TUBB6: variants seen among roughly 807,000 people sequenced by gnomAD.
TUBB6 encodes tubulin beta-6 chain.
In TUBB6, 18 loss-of-function variants were observed where a neutral mutation model predicts 32.3. The observed-to-expected ratio is 0.56, with a 90% CI of 0.39 to 0.83. The LOEUF (loss-of-function observed/expected upper bound fraction) is 0.83, where lower values mean the gene tolerates loss of function less well. TUBB6 is among the 40% of genes least tolerant of loss of function. TUBB6 has a pLI of 0.00. For missense variants in TUBB6, 480 were observed against 632.0 expected, an observed-to-expected ratio of 0.76 and a Z score of 2.58; for synonymous variants, 280 against 265.8, an observed-to-expected ratio of 1.05 and a Z score of -0.52.
chr18:12,308,817 C>T lies in TUBB6; in HGVS notation c.166+22C>T, dbSNP rs1335120878. 3 of 1,501,466 alleles carry T rather than the reference C, an allele frequency of 2.0e-6. No individual in the cohort carries two copies. The South Asian group carries it at 3.4e-5, about 17-fold the overall frequency. The allele number at this position is 1,501,466 out of a possible 1,614,324, so 93.0% of individuals were successfully genotyped here. A position where few individuals can be genotyped will look rare whatever the true frequency, so the allele number is the denominator to read the frequency against. ...TCGTGTGAGTAGCAAGGCCGCCGCG[C>T]CCTGCCCGGCCGGGACCCGCGTGGA... On this transcript the variant is annotated intron_variant, in intron 2 of 3. Transcript: ENST00000317702.
intron 3 of TUBB6, among the ~76,000 whole-genome samples, chr18:12,321,102 C>A (rs566211239): frequency 1.1e-4 from 16 of 152,168 alleles, no homozygotes; most frequent in Non-Finnish European, 1.8e-4. Context: ...AATTTCCTTT[C>A]CTGTGAGCTG....
At position 12,308,259 on chromosome 18, in the gene TUBB6, C is replaced by CT; in HGVS notation, c.-34_-33insT. The CT allele has an allele frequency of 7.1e-7, 1 of 1,400,802 alleles. No homozygotes were observed. The allele number at this position is 1,400,802 out of a possible 1,614,324, so 86.8% of individuals were successfully genotyped here. On this transcript the variant is annotated 5_prime_UTR_variant, in exon 1 of 4. Transcript: ENST00000317702. Reference sequence around the variant, plus strand: ...GGCCCGCAGTTGCCGCTGTCGTCCGCAGAGCCAGTTCCTAGCGCAGAGCCG... The same window carrying CT: ...GGCCCGCAGTTGCCGCTGTCGTCCGCTAGAGCCAGTTCCTAGCGCAGAGCCG...
At chr18:12,308,576 G>T (rs1264768331) in intron 1 of TUBB6, 111 bp from the exon 2 acceptor site, 2 of 854,020 alleles carry the variant, frequency 2.3e-6, no homozygotes, top group African/African-American at 1.7e-5. Context: ...GGCTGCCGGC[G>T]GCTCAGGCGC....
At chr18:12,316,200 G>T (rs1479920798) in intron 3 of TUBB6, among the ~76,000 whole-genome samples, 3 of 152,238 alleles carry the variant, frequency 2.0e-5, no homozygotes, top group African/African-American at 7.2e-5. Flanking sequence ...TGACATGAGT[G>T]CATCACAAAC....
At chr18:12,324,837 G>A (rs1484068577) in intron 3 of TUBB6, 3 of 1,347,286 alleles carry the variant, frequency 2.2e-6, no homozygotes, top group East Asian at 2.6e-5. Context: ...GAACAACCAG[G>A]TCAAAATGTA....
At chr18:12,308,508 G>T in intron 1 of TUBB6, 159 bp downstream of exon 1, 3 of 695,086 alleles carry the variant, frequency 4.3e-6, no homozygotes, top group Non-Finnish European at 6.6e-6. Context: ...AGCGCCCGGG[G>T]CGTGGCCGGC....
At chr18:12,328,455 T>G (rs1475122857), downstream of TUBB6, among the ~76,000 whole-genome samples, 3 of 152,234 alleles carry the variant, frequency 2.0e-5, no homozygotes, top group African/African-American at 7.2e-5. Context: ...CAGACTCACT[T>G]TTCTGGAAGC....
At chr18:12,307,872 C>T (rs137976817), upstream of TUBB6, 2,443 of 152,426 alleles carry the variant, frequency 0.016, 55 homozygotes, top group African/African-American at 0.056. Flanking sequence ...CTGGACTGGG[C>T]GCGGGCGGCT....
In TUBB6 at chr18:12,325,151, GGAA is replaced by G; in HGVS notation, c.364_366del (p.Lys122del). On this transcript the variant is annotated inframe_deletion, in exon 4 of 4. Transcript: ENST00000317702. Reference sequence around the variant, plus strand: ...GTGGACGCAGTGCTGGACGTGGTGCGGAAGGAGTGCGAGCACTGCGACTGCCTG... The same window carrying G: ...GTGGACGCAGTGCTGGACGTGGTGCGGGAGTGCGAGCACTGCGACTGCCTG... 6.2e-7 allele frequency: 1 copy of G among 1,613,138 alleles called. No homozygotes were observed. Among genetic ancestry groups the G allele is most frequent in the Non-Finnish European group, 8.5e-7 (1 of 1,179,402 alleles).
intron 1 of TUBB6, 153 bp from the exon 2 acceptor site, chr18:12,308,534 C>T (rs956788716): frequency 1.4e-5 from 10 of 731,746 alleles, no homozygotes; most frequent in Non-Finnish European, 2.2e-5. Flanking sequence ...ACCTTCTACT[C>T]TTCGCTCCCC....
intron 3 of TUBB6, among the ~76,000 whole-genome samples, chr18:12,320,023 C>G: frequency 6.6e-6 from 1 of 151,906 alleles, no homozygotes; most frequent in Non-Finnish European, 1.5e-5. Flanking sequence ...CTCCTGACCT[C>G]GTGATCCACC....
chr18:12,321,833 A>G (rs879271985), intron 3 of TUBB6, among the ~76,000 whole-genome samples: 4 of 152,262 alleles, frequency 2.6e-5, no homozygotes, highest in Non-Finnish European at 5.9e-5. Flanking sequence ...TAGTATTTCA[A>G]TTTTCCCAAC....
downstream of TUBB6, among the ~76,000 whole-genome samples, chr18:12,327,839 G>A (rs576964064): frequency 1.8e-4 from 28 of 152,292 alleles, no homozygotes; most frequent in South Asian, 1.2e-3. Flanking sequence ...CTCGTCCCCC[G>A]GGAGGTCTCA....
downstream of TUBB6, chr18:12,329,474 G>A (rs1003861906): frequency 2.3e-5 from 31 of 1,335,364 alleles, no homozygotes; most frequent in Admixed American, 6.7e-5. Context: ...TAAAATCAGC[G>A]CAGCATTCCC....
At position 12,308,857 on chromosome 18, in the gene TUBB6, C is replaced by T; in HGVS notation, c.166+62C>T. ...ACCCGCGTGGACGCTCCGGCGCCGC[C>T]TCTTAGCGCGGCGAGTTTGCTTCGG... On this transcript the variant is annotated intron_variant, in intron 2 of 3. Coordinates refer to ENST00000317702, the MANE Select transcript of TUBB6 (RefSeq NM_032525.3). The T allele has an allele frequency of 3.5e-6, 4 of 1,129,788 alleles. No individual in the cohort carries two copies. In the South Asian group the frequency reaches 5.0e-5, roughly 14 times the overall value. The allele number at this position is 1,129,788 out of a possible 1,614,324, so 70.0% of individuals were successfully genotyped here.
chr18:12,329,564 T>C, downstream of TUBB6: 1 of 1,613,756 alleles, frequency 6.2e-7, no homozygotes, highest in Non-Finnish European at 8.5e-7. Flanking sequence ...CCTCTGGGCC[T>C]CTAGTTGGCA....
intron 3 of TUBB6, among the ~76,000 whole-genome samples, chr18:12,323,024 A>G (rs935957907): frequency 1.3e-5 from 2 of 152,194 alleles, no homozygotes; most frequent in Non-Finnish European, 2.9e-5. Flanking sequence ...TAACTTTAAA[A>G]TAAATGAGAG....
At chr18:12,315,052 G>A (rs1324287724) in intron 3 of TUBB6, among the ~76,000 whole-genome samples, 4 of 151,658 alleles carry the variant, frequency 2.6e-5, no homozygotes, top group Admixed American at 2.6e-4. Context: ...CATCATCTTA[G>A]TGTAATTATT....
chr18:12,321,431 C>T (rs1171317507), intron 3 of TUBB6, among the ~76,000 whole-genome samples: 1 of 152,172 alleles, frequency 6.6e-6, no homozygotes, highest in Non-Finnish European at 1.5e-5. Context: ...TGAGCAGGCC[C>T]GTGTCCCAAA....
Sources: gnomAD v4.1 joint callset for allele counts (sites outside exome capture counted in the v4.1 genomes callset) on GRCh38, gnomAD v4.1.1 for gene constraint, MANE v1.5 for transcripts, NCBI Gene and HGNC (gene_info 2026-07-23, HGNC 2026-07-21) for gene names.